Variants in CTNNA2 observed in about 807,000 individuals in gnomAD.
CTNNA2 encodes the protein catenin alpha-2.
In CTNNA2, 42 loss-of-function variants were observed where a neutral mutation model predicts 101.0. That is an observed-to-expected ratio of 0.42 (90% CI 0.32 to 0.54). The LOEUF is 0.54. CTNNA2 is among the 20% of genes least tolerant of loss of function. The pLI is 0.14. For missense variants in CTNNA2, 871 were observed against 1,223.1 expected (o/e 0.71, Z 4.29); for synonymous variants, 450 against 456.4 (o/e 0.99, Z 0.18).
intron 7 of CTNNA2, chr2:80,162,626 G>T: frequency 6.2e-7 from 1 of 1,611,498 alleles, no homozygotes; most frequent in South Asian, 1.1e-5. Context: ...TATCTGCTAG[G>T]TAGGGATGAG....
intron 7 of CTNNA2, among the ~76,000 whole-genome samples, chr2:80,132,330 G>A (rs1018551184): frequency 2.0e-5 from 3 of 152,058 alleles, no homozygotes; most frequent in East Asian, 1.9e-4. Context: ...TCAAGGAGTC[G>A]TAGAGACAAG....
intron 7 of CTNNA2, among the ~76,000 whole-genome samples, chr2:79,964,429 G>C (rs1001231869): frequency 8.6e-5 from 13 of 151,886 alleles, no homozygotes; most frequent in African/African-American, 3.1e-4. Context: ...AAGCCAAGCT[G>C]TTTATCTAAT....
chr2:80,087,925 A>T (rs1699550481), intron 7 of CTNNA2, among the ~76,000 whole-genome samples: 1 of 151,970 alleles, frequency 6.6e-6, no homozygotes, highest in Non-Finnish European at 1.5e-5. Context: ...TACAACTGAA[A>T]ATAGTCCTGA....
intron 9 of CTNNA2, among the ~76,000 whole-genome samples, chr2:80,539,786 C>T (rs1474084636): frequency 6.6e-6 from 1 of 152,128 alleles, no homozygotes; most frequent in African/African-American, 2.4e-5. Flanking sequence ...CACCAACGAG[C>T]TCTACCACCT....
At chr2:80,066,356 A>G (rs1277663235) in intron 7 of CTNNA2, among the ~76,000 whole-genome samples, 1 of 152,178 alleles carries the variant, frequency 6.6e-6, no homozygotes, top group Non-Finnish European at 1.5e-5. Flanking sequence ...TAAAATATAA[A>G]AGAAATTCAA....
At chr2:80,525,375 G>A (rs1689946839) in intron 9 of CTNNA2, among the ~76,000 whole-genome samples, 1 of 151,900 alleles carries the variant, frequency 6.6e-6, no homozygotes, top group African/African-American at 2.4e-5. Flanking sequence ...CAATCTGAAT[G>A]ATCTGGATTT....
At chr2:80,192,835 G>A (rs1281929624) in intron 7 of CTNNA2, among the ~76,000 whole-genome samples, 2 of 152,194 alleles carry the variant, frequency 1.3e-5, no homozygotes, top group African/African-American at 4.8e-5. Flanking sequence ...ACTTTTCAAA[G>A]AATCCAACTC....
chr2:79,718,023 C>A (rs1046067648), intron 2 of CTNNA2, among the ~76,000 whole-genome samples: 21 of 152,118 alleles, frequency 1.4e-4, no homozygotes, highest in Non-Finnish European at 2.9e-5. Flanking sequence ...TCTTGAAGAC[C>A]ATATGGCTTT....
intron 7 of CTNNA2, among the ~76,000 whole-genome samples, chr2:80,376,604 C>A (rs1463306459): frequency 6.6e-6 from 1 of 152,068 alleles, no homozygotes; most frequent in African/African-American, 2.4e-5. Flanking sequence ...ATAGATAGAT[C>A]TCTAGACTTT....
intron 3 of CTNNA2, among the ~76,000 whole-genome samples, chr2:79,831,357 A>G (rs910869309): frequency 6.6e-6 from 1 of 152,172 alleles, no homozygotes; most frequent in East Asian, 1.9e-4. Context: ...TTCTTTTCTT[A>G]TGCTAACTCC....
chr2:80,574,093 G>T (rs762671795), intron 12 of CTNNA2, 70 bp from the exon 13 acceptor site: 2 of 1,519,894 alleles, frequency 1.3e-6, no homozygotes, highest in East Asian at 2.3e-5. Flanking sequence ...CTGCCACTTC[G>T]CCCAAGAGCT....
In CTNNA2 at chr2:79,659,794, C is replaced by T. The variant is rs940690528; in HGVS notation, c.102+8136C>T. On this transcript the variant is annotated intron_variant, in intron 2 of 18. Transcript: ENST00000402739. ...AGAGCATCACTTGAGGCCAGGAGTT[C>T]GAGACCAACCTGGGAAAAACAGAGA... 1.3e-4 allele frequency among the ~76,000 whole-genome samples: 20 copies of T among 152,102 alleles called. 1 individual carries two copies. Among genetic ancestry groups the T allele is most frequent in the East Asian group, 1.9e-4 (1 of 5,172 alleles).
chr2:79,885,473 T>G (rs938734221), intron 6 of CTNNA2, among the ~76,000 whole-genome samples: 1 of 152,224 alleles, frequency 6.6e-6, no homozygotes, highest in African/African-American at 2.4e-5. Flanking sequence ...TTCTTCAACA[T>G]CAGGGAAGGA....
chr2:79,393,192 C>G (rs1321433143), intron 4 of CTNNA2, among the ~76,000 whole-genome samples: 1 of 152,146 alleles, frequency 6.6e-6, no homozygotes, highest in Non-Finnish European at 1.5e-5. Flanking sequence ...CATCCTTACT[C>G]ATGTGCATCA....
intron 4 of CTNNA2, among the ~76,000 whole-genome samples, chr2:79,412,212 G>T (rs1484143913): frequency 6.6e-6 from 1 of 152,100 alleles, no homozygotes; most frequent in Non-Finnish European, 1.5e-5. Flanking sequence ...AAATATATAT[G>T]CACCCAATAC....
rs28711597 is a variant in CTNNA2 at position 79,505,832 on chromosome 2, C to T, written c.-6+650C>T. The stretch of plus-strand genomic sequence containing the variant: ...TTTATCTCGAGTTGTCAGTTTGTCT[C>T]ATTAAAGTATGAGACTGTTAATGGT... On this transcript the variant is annotated intron_variant, in intron 5 of 21. Transcript: ENST00000466387. 1.2e-3 allele frequency among the ~76,000 whole-genome samples: 186 copies of T among 152,296 alleles called. 1 individual carries two copies. Among genetic ancestry groups the T allele is most frequent in the African/African-American group, 4.1e-3 (172 of 41,576 alleles).
intron 2 of CTNNA2, among the ~76,000 whole-genome samples, chr2:79,695,555 C>CA (rs1458782388): frequency 1.3e-5 from 2 of 151,886 alleles, no homozygotes; most frequent in Admixed American, 6.6e-5. Flanking sequence ...GTCCCATGTA[C>CA]AAAAAATGGC....
At chr2:79,788,422 A>G (rs184651415) in intron 3 of CTNNA2, among the ~76,000 whole-genome samples, 243 of 152,294 alleles carry the variant, frequency 1.6e-3, no homozygotes, top group African/African-American at 5.6e-3. Context: ...GTGGCAGCAT[A>G]AGAAATGACA....
In CTNNA2 at chr2:79,282,227, ATCT is replaced by A. The variant is rs201936271; in HGVS notation, c.-405-30477_-405-30475del. On this transcript the variant is annotated intron_variant, in intron 2 of 21. Transcript: ENST00000466387. ...TTATCTTTTTCTTTAAATCTTTATA[ATCT>A]TCTTTATAATCTTTTTTTAAAATTT... Among the ~76,000 whole-genome samples the A allele has an allele frequency of 3.4e-3, 518 of 152,056 alleles. 2 individuals carry two copies. The highest frequency in any genetic ancestry group is 0.01 in the Admixed American group (159 of 15,252).
Sources: gnomAD v4.1 joint callset for allele counts (sites outside exome capture counted in the v4.1 genomes callset) on GRCh38, gnomAD v4.1.1 for gene constraint, MANE v1.5 for transcripts, NCBI Gene and HGNC (gene_info 2026-07-23, HGNC 2026-07-21) for gene names.